TTN: variants seen among roughly 807,000 people sequenced by gnomAD.
TTN encodes connectin.
In TTN, 1,525 loss-of-function variants were observed where a neutral mutation model predicts 3,223.0. The ratio of observed to expected loss-of-function variants is 0.47; its 90% CI spans 0.45 to 0.49. The LOEUF (loss-of-function observed/expected upper bound fraction) is 0.49, where lower values mean the gene tolerates loss of function less well. Among genes scored for constraint, TTN ranks in the 20% least tolerant of loss-of-function variants. TTN has a pLI of 0.00. For missense variants in TTN, 40,786 were observed against 43,424.0 expected (o/e 0.94, Z 5.40); for synonymous variants, 14,094 against 15,161.0 (o/e 0.93, Z 5.17).
In TTN at chr2:178,543,519, A is replaced by C; in HGVS notation, c.96454T>G (p.Phe32152Val). 6.2e-7 allele frequency: 1 copy of C among 1,613,488 alleles called. No individual in the cohort carries two copies. Among genetic ancestry groups the C allele is most frequent in the Non-Finnish European group, 8.5e-7 (1 of 1,179,734 alleles). Residue 32152 changes from phenylalanine (F) to valine (V), a missense_variant, in exon 347 of 363, where the codon TTC becomes GTC. By Grantham distance (50) the Phe-to-Val change is conservative. Transcript: ENST00000589042. Reference sequence around the variant, plus strand: ...CTGCATTTGGTAGTTACTGTTTTGAATGCTCTCATAGCAGCTTCACGCTTC... The same window carrying C: ...CTGCATTTGGTAGTTACTGTTTTGACTGCTCTCATAGCAGCTTCACGCTTC... The part of the protein sequence containing the change: ...VEKREAAMRA[F>V]KTVTTKCSKT...
rs761268838 is a variant in TTN, at chr2:178,629,467, TTTGCG to T, written c.44282-29_44282-25del. ...TGCTTTTCGAGAGGGAAGAAACAGC[TTTGCG>T]TTACTCATTTTGTAATCCCAAAAGA... On this transcript the variant is annotated intron_variant, in intron 239 of 362. Transcript: ENST00000589042. 7 of 1,611,816 alleles carry T rather than the reference TTTGCG, an allele frequency of 4.3e-6. No individual in the cohort carries two copies. The East Asian group carries it at 1.6e-4, about 36-fold the overall frequency.
rs55757622 is a variant in TTN at position 178,779,089 on chromosome 2, G to T, written c.3993C>A (p.Ile1331=). The change falls in exon 24 of 363, where the codon ATC becomes ATA. Residue 1331 remains isoleucine (I), a synonymous_variant. Transcript: ENST00000589042. The part of the protein sequence containing the change: ...KIAWYKDGKR[I]KHGERYQMDF... ...CCATTTGGTATCTTTCTCCATGTTT[G>T]ATGCGCTTGCCATCTTTGTACCAAG... is the stretch of plus-strand genomic sequence containing the variant. The T allele has an allele frequency of 1.2e-6, 2 of 1,613,872 alleles. No homozygotes were observed.
chr2:178,530,742 G>A lies in TTN; in HGVS notation c.105873C>T (p.Phe35291=). The A allele has an allele frequency of 1.2e-6, 2 of 1,613,818 alleles. No homozygotes were observed. Among genetic ancestry groups the A allele is most frequent in the Non-Finnish European group, 8.5e-7 (1 of 1,179,836 alleles). The stretch of plus-strand genomic sequence containing the variant: ...TCTCTTTAGAAGCTTCTGCTTTCAG[G>A]AACTGAGTAATCTTTGGTGGGGCAG... The part of the protein sequence containing the change: ...PVSAPPKITQ[F]LKAEASKEIA... The change falls in exon 358 of 363, where the codon TTC becomes TTT. Residue 35291 remains phenylalanine (F), a synonymous_variant. Transcript: ENST00000589042.
Position 178,565,209 on chromosome 2 carries a change from G to T in TTN, c.80923C>A (p.Pro26975Thr), listed in dbSNP as rs1283579585. The T allele has an allele frequency of 1.9e-6, 3 of 1,613,450 alleles. No individual in the cohort carries two copies. The highest frequency in any genetic ancestry group is 1.7e-5 in the Admixed American group (1 of 59,974). ...TCAAACCGAACTGGGCCAACTGGAG[G>T]TCCAGGCTTTTCTAAAACGATAACA... is the stretch of plus-strand genomic sequence containing the variant. ...LSVIVLEKPG[P>T]PVGPVRFDEV... is the part of the protein sequence containing the mutation. Residue 26975 changes from proline (P) to threonine (T), a missense_variant, in exon 326 of 363, where the codon CCT becomes ACT. Transcript: ENST00000589042.
At chr2:178,727,406 C>G (rs760742008) in intron 68 of TTN, 35 bp from the exon 69 acceptor site, 2 of 1,528,886 alleles carry the variant, frequency 1.3e-6, no homozygotes, top group Non-Finnish European at 1.8e-6. Flanking sequence ...TATCAGGGAA[C>G]AGAAATAAAT....
At chr2:178,679,219 C>G (rs762064317) in intron 142 of TTN, 120 bp downstream of exon 142, 25 of 1,032,262 alleles carry the variant, frequency 2.4e-5, no homozygotes, top group Non-Finnish European at 3.5e-5. Flanking sequence ...AGTTGAGAGG[C>G]GCTTGTCATG....
intron 68 of TTN, 71 bp from the exon 69 acceptor site, chr2:178,727,442 C>A (rs929030010): frequency 1.3e-6 from 2 of 1,508,364 alleles, no homozygotes; most frequent in Non-Finnish European, 1.8e-6. Flanking sequence ...AGATAGTATA[C>A]AGGCAAGAGA....
Position 178,770,220 on chromosome 2 carries a change from C to G in TTN, c.8481G>C (p.Trp2827Cys). ...GCTTAATTTCCACACTCTTATGGAACCATTTTACTGGAACAGTGTCATGGG... is the reference window on the plus strand; with the variant it reads ...GCTTAATTTCCACACTCTTATGGAAGCATTTTACTGGAACAGTGTCATGGG... ...SVSHDTVPVKWFHKSVEIKPS... is the reference protein window; with the variant it reads ...SVSHDTVPVKCFHKSVEIKPS... Residue 2827 changes from tryptophan to cysteine, a missense_variant, in exon 36 of 363, where the codon TGG (tryptophan) becomes TGC (cysteine). Coordinates refer to ENST00000589042, the MANE Select transcript of TTN (RefSeq NM_001267550.2). The G allele has an allele frequency of 6.2e-7, 1 of 1,614,138 alleles. No individual in the cohort carries two copies. The highest frequency in any genetic ancestry group is 8.5e-7 in the Non-Finnish European group (1 of 1,180,010).
rs978687603 is a variant in TTN at position 178,765,285 on chromosome 2, A to G, written c.9704-474T>C. On this transcript the variant is annotated intron_variant, in intron 41 of 362. Coordinates refer to ENST00000589042, the MANE Select transcript of TTN (RefSeq NM_001267550.2). Reference sequence around the variant, plus strand: ...TTATGTACCAGTGCCAGTAAAATGCAATCAGTAAGTATTGAATGAATGACT... The same window carrying G: ...TTATGTACCAGTGCCAGTAAAATGCGATCAGTAAGTATTGAATGAATGACT... Among the ~76,000 whole-genome samples the G allele has an allele frequency of 4.6e-5, 7 of 152,352 alleles. No individual in the cohort carries two copies. The East Asian group carries it at 1.3e-3, about 29-fold the overall frequency.
chr2:178,783,037 C>A lies in TTN; in HGVS notation c.2869G>T (p.Gly957Cys). ...SGLKNVTVIE[G>C]ESVTLECHIS... ...TGGCACTCCAAGGTGACAGATTCACCTTCTATGACAGTCACATTTTTTAAG... is the reference window on the plus strand; with the variant it reads ...TGGCACTCCAAGGTGACAGATTCACATTCTATGACAGTCACATTTTTTAAG... The change falls in exon 18 of 363, where the codon GGT becomes TGT. Residue 957 changes from glycine (G) to cysteine (C), a missense_variant. By Grantham distance (159) the Gly-to-Cys change is radical (BLOSUM62 -3). Transcript: ENST00000589042. 1.2e-6 allele frequency: 2 copies of A among 1,614,040 alleles called. No individual in the cohort carries two copies. Among genetic ancestry groups the A allele is most frequent in the Non-Finnish European group, 1.7e-6 (2 of 1,179,974 alleles).
intron 346 of TTN, 21 bp downstream of exon 346, chr2:178,543,813 A>G (rs750717438): frequency 1.9e-6 from 3 of 1,611,572 alleles, no homozygotes; most frequent in Non-Finnish European, 1.7e-6. Flanking sequence ...TTGTATAGCC[A>G]ATTTTAAGTA....
chr2:178,634,606 G>T lies in TTN; in HGVS notation c.42175C>A (p.Pro14059Thr). ...VKEIELDFAV[P>T]LKDVTVPERR... The stretch of plus-strand genomic sequence containing the variant: ...TCTGGAACAGTGACATCCTTCAGGG[G>T]CACAGCAAAGTCAAGTTCGATTTCT... The change falls in exon 230 of 363, where the codon CCC (proline) becomes ACC (threonine). Residue 14059 changes from proline (P) to threonine (T), a missense_variant. Coordinates refer to ENST00000589042, the MANE Select transcript of TTN (RefSeq NM_001267550.2). The surrounding 1 kb of genome is among the most constrained non-coding windows in gnomAD (Gnocchi z 4.6). 3 of 1,613,216 alleles carry T rather than the reference G, an allele frequency of 1.9e-6. No homozygotes were observed. Among genetic ancestry groups the T allele is most frequent in the Non-Finnish European group, 2.5e-6 (3 of 1,179,476 alleles).
chr2:178,802,888 A>G (rs116836283), intron 2 of TTN, among the ~76,000 whole-genome samples: 2,610 of 152,266 alleles, frequency 0.017, 33 homozygotes, highest in Admixed American at 0.025. Context: ...ATCAGTAAAA[A>G]CATTGTAACA....
chr2:178,534,044 C>T lies in TTN; in HGVS notation c.102571G>A (p.Val34191Met). ...EKYEITYEDGVAILYVKDITK... is the reference protein window; with the variant it reads ...EKYEITYEDGMAILYVKDITK... The stretch of plus-strand genomic sequence containing the variant: ...ATGTCTTTGACATAGAGGATGGCCA[C>T]TCCATCTTCGTAGGTGATTTCGTAT... The change falls in exon 358 of 363, where the codon GTG becomes ATG. Residue 34191 changes from valine to methionine, a missense_variant. Transcript: ENST00000589042. 6.2e-7 allele frequency: 1 copy of T among 1,613,988 alleles called. No homozygotes were observed. Among genetic ancestry groups the T allele is most frequent in the Non-Finnish European group, 8.5e-7 (1 of 1,179,856 alleles).
Position 178,547,026 on chromosome 2 carries a change from G to C in TTN, c.94499C>G (p.Pro31500Arg), listed in dbSNP as rs747518732. The C allele has an allele frequency of 1.9e-6, 3 of 1,612,060 alleles. No individual in the cohort carries two copies. The highest frequency in any genetic ancestry group is 2.5e-6 in the Non-Finnish European group (3 of 1,178,588). The change falls in exon 340 of 363, where the codon CCT becomes CGT. Residue 31500 changes from proline (P) to arginine (R), a missense_variant. Pro to Arg is a moderately radical substitution (Grantham distance 103). Coordinates refer to ENST00000589042, the MANE Select transcript of TTN (RefSeq NM_001267550.2). ...ACCAACTGGATTTTGAGCCATTATA[G>C]GTCTTGAAGCTTCGCTGGCCTTGCT... ...GVSKASEASR[P>R]IMAQNPVDAP...
In TTN at chr2:178,631,293, G is replaced by A. The variant is rs759486529; in HGVS notation, c.43755C>T (p.Asp14585=). ...SEAKLTVLEG[D]PYFTGKLQDY... Reference sequence around the variant, plus strand: ...CTTGAAGTTTTCCTGTAAAATATGGGTCTCCCTCTGCAAGTAAAGTATAAG... The same window carrying A: ...CTTGAAGTTTTCCTGTAAAATATGGATCTCCCTCTGCAAGTAAAGTATAAG... Residue 14585 remains aspartate, a synonymous_variant, in exon 237 of 363, where the codon GAC becomes GAT. Coordinates refer to ENST00000589042, the MANE Select transcript of TTN (RefSeq NM_001267550.2). 9.3e-6 allele frequency: 15 copies of A among 1,606,250 alleles called. No homozygotes were observed. The Admixed American group carries it at 2.5e-4, about 27-fold the overall frequency.
At chr2:178,556,332 G>A (rs1424774994) in intron 330 of TTN, 1 of 159,796 alleles carries the variant, frequency 6.3e-6, no homozygotes, top group Non-Finnish European at 1.4e-5. Context: ...TCAGGTGACT[G>A]AGGCACGAGA....
chr2:178,760,892 T>G (rs958959381), intron 43 of TTN: 4 of 150,782 alleles, frequency 2.7e-5, no homozygotes, highest in African/African-American at 9.8e-5. Context: ...TGTGAGATCA[T>G]CAATGGTACA....
At chr2:178,748,446 G>A in intron 47 of TTN, 1 of 1,613,018 alleles carries the variant, frequency 6.2e-7, no homozygotes, top group Non-Finnish European at 8.5e-7. Flanking sequence ...AACGTTTCAG[G>A]GCTAGGAATT....
Sources: allele counts gnomAD v4.1 joint callset (sites outside exome capture counted in the v4.1 genomes callset), GRCh38; gene constraint gnomAD v4.1.1; non-coding constraint Gnocchi (gnomAD v3.1); transcripts MANE v1.5; gene names NCBI Gene and HGNC (gene_info 2026-07-23, HGNC 2026-07-21).